AKAP13: variants seen among roughly 807,000 people sequenced by gnomAD.
The protein encoded by AKAP13 is A-kinase anchor protein 13.
Under a neutral mutation model 264.5 loss-of-function variants are expected in AKAP13, and 80 were observed. That is an observed-to-expected ratio of 0.30 (90% CI 0.25 to 0.36). The LOEUF (loss-of-function observed/expected upper bound fraction) is 0.36. Ranked by LOEUF, AKAP13 falls within the 10% of genes least tolerant of loss-of-function variation. AKAP13 has a pLI of 1.00. For synonymous variants in AKAP13, 1,380 were observed against 1,250.2 expected, an observed-to-expected ratio of 1.10 and a Z score of -2.19; for missense variants, 3,712 against 3,435.2, an observed-to-expected ratio of 1.08 and a Z score of -2.01.
intron 2 of AKAP13, among the ~76,000 whole-genome samples, chr15:85,497,224 T>G (rs2075896299): frequency 6.6e-6 from 1 of 152,198 alleles, no homozygotes; most frequent in Non-Finnish European, 1.5e-5. Flanking sequence ...GTGAAGCACC[T>G]ATTAGGTGAA....
chr15:85,647,600 T>G (rs1025778601), intron 10 of AKAP13, among the ~76,000 whole-genome samples: 5 of 152,228 alleles, frequency 3.3e-5, no homozygotes, highest in Middle Eastern at 3.4e-3. Context: ...ACTTAAGGAT[T>G]TCTATCATTG....
At chr15:85,463,423 C>G (rs2074600442) in intron 1 of AKAP13, among the ~76,000 whole-genome samples, 1 of 152,188 alleles carries the variant, frequency 6.6e-6, no homozygotes, top group African/African-American at 2.4e-5. Context: ...ATTTATCAAG[C>G]CTGACTGATT....
intron 17 of AKAP13, among the ~76,000 whole-genome samples, chr15:85,703,207 A>T (rs573962002): frequency 6.6e-6 from 1 of 152,226 alleles, no homozygotes; most frequent in East Asian, 1.9e-4. Flanking sequence ...TGGCATTTAT[A>T]GTTCATTGCT....
chr15:85,687,754 G>A (rs1355345203), intron 16 of AKAP13, among the ~76,000 whole-genome samples: 1 of 151,572 alleles, frequency 6.6e-6, no homozygotes, highest in Non-Finnish European at 1.5e-5. Flanking sequence ...TTTTTAAAAG[G>A]TGGGGGTGGG....
chr15:85,671,433 CAAAAAAAAAA>C (rs11296113), intron 14 of AKAP13, among the ~76,000 whole-genome samples: 12,237 of 71,566 alleles, frequency 0.17, 962 homozygotes, highest in East Asian at 0.49. Context: ...GACACTGCCT[CAAAAAAAAAA>C]AAAAAAAAAA....
At chr15:85,711,575 A>G (rs939984531) in intron 19 of AKAP13, among the ~76,000 whole-genome samples, 1 of 152,132 alleles carries the variant, frequency 6.6e-6, no homozygotes, top group African/African-American at 2.4e-5. Flanking sequence ...AGACTATGGC[A>G]TGGTATTCTT....
At chr15:85,638,044 A>C (rs1009839598) in intron 8 of AKAP13, among the ~76,000 whole-genome samples, 2 of 134,788 alleles carry the variant, frequency 1.5e-5, no homozygotes, top group Non-Finnish European at 3.1e-5. Context: ...ATGCCTGGCT[A>C]ATTTTTTTGT....
chr15:85,591,882 A>T (rs984336824), intron 8 of AKAP13, among the ~76,000 whole-genome samples: 6 of 152,092 alleles, frequency 3.9e-5, no homozygotes, highest in Admixed American at 3.9e-4. Context: ...ACCAGTATAT[A>T]TTGTCAGGGC....
intron 7 of AKAP13, chr15:85,582,808 G>C: frequency 4.3e-6 from 4 of 929,404 alleles, no homozygotes; most frequent in Non-Finnish European, 5.1e-6. Context: ...GCAGGGGATA[G>C]GATGCAGGAT....
rs771421828 is a variant in AKAP13 at position 85,639,463 on chromosome 15, A to T, written c.4237+14A>T. Reference sequence around the variant, plus strand: ...AGCAGAGCCCAGGTAAGCTGAGATTATCCATTCATTTTCTGGAGCTGCAGC... The same window carrying T: ...AGCAGAGCCCAGGTAAGCTGAGATTTTCCATTCATTTTCTGGAGCTGCAGC... On this transcript the variant is annotated intron_variant, in intron 9 of 36. Coordinates refer to ENST00000394518, the MANE Select transcript of AKAP13 (RefSeq NM_007200.5). 18 of 1,601,674 alleles carry T rather than the reference A, an allele frequency of 1.1e-5. No homozygotes were observed. Among genetic ancestry groups the T allele is most frequent in the Non-Finnish European group, 7.7e-6 (9 of 1,169,560 alleles).
At chr15:85,588,803 T>C (rs747000914) in intron 8 of AKAP13, among the ~76,000 whole-genome samples, 1 of 152,208 alleles carries the variant, frequency 6.6e-6, no homozygotes, top group Non-Finnish European at 1.5e-5. Flanking sequence ...AGTTTGAGGT[T>C]TGATTTCTAA....
Position 85,557,590 on chromosome 15 carries a change from C to T in AKAP13, c.662+13635C>T, listed in dbSNP as rs182015627. The stretch of plus-strand genomic sequence containing the variant: ...CCTCGACATCCTACCTCAACTTCCG[C>T]AGTAGCTGAGACTACAGGCACGCAC... On this transcript the variant is annotated intron_variant, in intron 5 of 36. Coordinates refer to ENST00000394518, the MANE Select transcript of AKAP13 (RefSeq NM_007200.5). Among the ~76,000 whole-genome samples the T allele has an allele frequency of 5.9e-3, 899 of 152,236 alleles. 4 individuals carry two copies. The highest frequency in any genetic ancestry group is 0.034 in the Middle Eastern group (10 of 294).
intron 2 of AKAP13, among the ~76,000 whole-genome samples, chr15:85,498,778 G>A (rs1442572192): frequency 6.6e-6 from 1 of 152,148 alleles, no homozygotes; most frequent in Admixed American, 6.5e-5. Context: ...GGCTCTTGGT[G>A]TGAGGTCCGC....
chr15:85,581,108 G>A lies in AKAP13; in HGVS notation c.3040G>A (p.Ala1014Thr), dbSNP rs138265569. The part of the protein sequence containing the change: ...QVSLLTQGGA[A>T]QSLVPPGASL... The stretch of plus-strand genomic sequence containing the variant: ...CTCACTGCTGACTCAAGGTGGGGCT[G>A]CCCAGAGCCTGGTGCCACCAGGAGC... The change falls in exon 7 of 37, where the codon GCC (alanine) becomes ACC (threonine). Residue 1014 changes from alanine to threonine, a missense_variant. Ala to Thr is a moderately conservative substitution (Grantham distance 58). Transcript: ENST00000394518. The A allele has an allele frequency of 2.5e-6, 4 of 1,613,848 alleles. No individual in the cohort carries two copies. The African/African-American group carries it at 5.3e-5, about 22-fold the overall frequency.
chr15:85,464,859 G>A (rs1418662482), intron 1 of AKAP13, among the ~76,000 whole-genome samples: 1 of 152,166 alleles, frequency 6.6e-6, no homozygotes, highest in Admixed American at 6.5e-5. Flanking sequence ...CTAAGGATAG[G>A]TTAATGATGA....
At chr15:85,546,103 ATAGC>A (rs1197748024) in intron 5 of AKAP13, among the ~76,000 whole-genome samples, 1 of 152,154 alleles carries the variant, frequency 6.6e-6, no homozygotes, top group Non-Finnish European at 1.5e-5. Context: ...TGTCTTTTAC[ATAGC>A]TAATGTCCTC....
intron 1 of AKAP13, among the ~76,000 whole-genome samples, chr15:85,399,515 A>G (rs376856348): frequency 8.3e-6 from 1 of 120,138 alleles, no homozygotes; most frequent in African/African-American, 3.1e-5. Context: ...AAAAAAAAAA[A>G]AAAAAAATAA....
chr15:85,506,424 T>C (rs2151106062), intron 2 of AKAP13, among the ~76,000 whole-genome samples: 1 of 152,090 alleles, frequency 6.6e-6, no homozygotes, highest in African/African-American at 2.4e-5. Flanking sequence ...ATAAAACAAA[T>C]ATGGTCCCAC....
rs530545582 is a variant in AKAP13, at chr15:85,499,217, A to G, written c.33+13464A>G. ...TATCAAGGTGTGTACTATCAAATAC[A>G]GGGTTGGGTATCTCTTTGTAAGAGA... On this transcript the variant is annotated intron_variant, in intron 2 of 36. Transcript: ENST00000394518. Among the ~76,000 whole-genome samples, 4 of 152,336 alleles carry G rather than the reference A, an allele frequency of 2.6e-5. No homozygotes were observed. The South Asian group carries it at 8.3e-4, about 32-fold the overall frequency.
Sources: gnomAD v4.1 joint callset for allele counts (sites outside exome capture counted in the v4.1 genomes callset) on GRCh38, gnomAD v4.1.1 for gene constraint, MANE v1.5 for transcripts, NCBI Gene and HGNC (gene_info 2026-07-23, HGNC 2026-07-21) for gene names.